The following FARP1 variants were observed in gnomAD, a reference collection of about 807,000 sequenced individuals.
The protein encoded by FARP1 is FERM, ARH/RhoGEF and pleckstrin domain protein 1.
Under a neutral mutation model 128.8 loss-of-function variants are expected in FARP1, and 52 were observed. The observed-to-expected ratio is 0.40, with a 90% CI of 0.32 to 0.51. FARP1 has a LOEUF of 0.51. Ranked by LOEUF, FARP1 falls within the 20% of genes least tolerant of loss-of-function variation. The pLI, the probability that FARP1 is intolerant of heterozygous loss-of-function variation, is 0.45. For missense variants in FARP1, 1,333 were observed against 1,367.9 expected (o/e 0.97, Z 0.40); for synonymous variants, 580 against 551.8 (o/e 1.05, Z -0.72).
At chr13:98,224,796 C>A (rs1881663643) in intron 2 of FARP1, among the ~76,000 whole-genome samples, 1 of 152,102 alleles carries the variant, frequency 6.6e-6, no homozygotes, top group African/African-American at 2.4e-5. Context: ...ATGACTTCTG[C>A]CTCACAGAGA....
At chr13:98,347,661 G>A (rs577005895) in intron 3 of FARP1, among the ~76,000 whole-genome samples, 4 of 152,246 alleles carry the variant, frequency 2.6e-5, no homozygotes, top group Admixed American at 1.3e-4. Context: ...TTACATTGCC[G>A]TCACCTCTTG....
chr13:98,390,392 C>G (rs1318987296), intron 10 of FARP1, among the ~76,000 whole-genome samples: 1 of 152,214 alleles, frequency 6.6e-6, no homozygotes, highest in Non-Finnish European at 1.5e-5. Context: ...GTCTTACTAA[C>G]ATTTGGTGTT....
At chr13:98,345,373 T>TA (rs2139883254) in intron 3 of FARP1, 1 of 100,598 alleles carries the variant, frequency 9.9e-6, no homozygotes, top group South Asian at 3.1e-4. Context: ...ACCAGTTAGC[T>TA]AATGGCACAG....
chr13:98,395,768 C>G, intron 13 of FARP1: 1 of 415,746 alleles, frequency 2.4e-6, no homozygotes, highest in Non-Finnish European at 4.2e-6. Flanking sequence ...GCAGACATCA[C>G]CTTTGATATG....
intron 1 of FARP1, among the ~76,000 whole-genome samples, chr13:98,192,049 G>A (rs927479412): frequency 5.3e-5 from 8 of 151,900 alleles, no homozygotes; most frequent in Non-Finnish European, 1.0e-4. Flanking sequence ...CAGACACTGT[G>A]TATTCCTACT....
At chr13:98,355,623 T>C (rs1322790992) in intron 3 of FARP1, among the ~76,000 whole-genome samples, 1 of 152,180 alleles carries the variant, frequency 6.6e-6, no homozygotes, top group East Asian at 1.9e-4. Context: ...ATGCTCAACT[T>C]TGAGAACCAC....
At chr13:98,145,855 C>G (rs939763091) in intron 1 of FARP1, among the ~76,000 whole-genome samples, 128 of 77,978 alleles carry the variant, frequency 1.6e-3, no homozygotes, top group Non-Finnish European at 3.0e-3. Flanking sequence ...GAGTGAGACT[C>G]TGTCTCAAAA....
intron 5 of FARP1, among the ~76,000 whole-genome samples, chr13:98,370,195 A>G (rs1889266909): frequency 6.6e-6 from 1 of 152,180 alleles, no homozygotes; most frequent in South Asian, 2.1e-4. Flanking sequence ...TTACTGAGAG[A>G]GCTTTCTAGA....
intron 2 of FARP1, among the ~76,000 whole-genome samples, chr13:98,271,479 G>A (rs1884388339): frequency 6.6e-6 from 1 of 152,138 alleles, no homozygotes; most frequent in South Asian, 2.1e-4. Context: ...GTGCCATGGT[G>A]GTTTGCTGCA....
intron 2 of FARP1, among the ~76,000 whole-genome samples, chr13:98,305,136 T>G (rs1418102596): frequency 6.6e-6 from 1 of 150,874 alleles, no homozygotes; most frequent in Non-Finnish European, 1.5e-5. Context: ...ATTTATTTAT[T>G]TTTTATTTTT....
chr13:98,336,566 C>T (rs1354129001), intron 2 of FARP1, among the ~76,000 whole-genome samples: 1 of 152,180 alleles, frequency 6.6e-6, no homozygotes, highest in African/African-American at 2.4e-5. Flanking sequence ...GCCACTGTGC[C>T]CGGCCTAGAA....
chr13:98,385,554 G>T (rs779565690), intron 7 of FARP1, 113 bp from the exon 8 acceptor site: 24 of 1,161,496 alleles, frequency 2.1e-5, no homozygotes, highest in Non-Finnish European at 3.1e-5. Flanking sequence ...GGTAGCCCCA[G>T]TGTTTGTGAT....
intron 16 of FARP1, among the ~76,000 whole-genome samples, chr13:98,421,491 C>T (rs1297379777): frequency 6.6e-6 from 1 of 152,172 alleles, no homozygotes; most frequent in African/African-American, 2.4e-5. Context: ...GTCCTCTGAA[C>T]TTAAGTCCTT....
intron 2 of FARP1, among the ~76,000 whole-genome samples, chr13:98,248,734 C>T (rs1211864243): frequency 6.6e-6 from 1 of 151,918 alleles, no homozygotes; most frequent in South Asian, 2.1e-4. Context: ...GAGGGTCTGC[C>T]TTCTTGTCTC....
intron 1 of FARP1, among the ~76,000 whole-genome samples, chr13:98,185,954 T>C (rs1357273642): frequency 6.6e-6 from 1 of 152,176 alleles, no homozygotes; most frequent in Admixed American, 6.5e-5. Context: ...TGCCTCGGCC[T>C]CCCAAAGTGC....
chr13:98,147,371 G>A (rs1230045526), intron 1 of FARP1, among the ~76,000 whole-genome samples: 2 of 151,884 alleles, frequency 1.3e-5, no homozygotes, highest in Non-Finnish European at 2.9e-5. Flanking sequence ...CAATTAATGT[G>A]GGAATTCATC....
Position 98,299,822 on chromosome 13 carries a change from A to G in FARP1, c.172-43940A>G, listed in dbSNP as rs144604444. ...AAAATGTGGTGCTGAAATCACTGCTATTTTAATAATCGGTACATTTAATTC... is the reference window on the plus strand; with the variant it reads ...AAAATGTGGTGCTGAAATCACTGCTGTTTTAATAATCGGTACATTTAATTC... On this transcript the variant is annotated intron_variant, in intron 2 of 26. Coordinates refer to ENST00000319562, the MANE Select transcript of FARP1 (RefSeq NM_005766.4). Among the ~76,000 whole-genome samples the G allele has an allele frequency of 8.2e-4, 125 of 152,366 alleles. No homozygotes were observed. In the East Asian group the frequency reaches 0.02, roughly 24 times the overall value.
intron 5 of FARP1, among the ~76,000 whole-genome samples, chr13:98,375,629 GT>G (rs1451247736): frequency 2.6e-5 from 4 of 151,816 alleles, no homozygotes; most frequent in African/African-American, 9.7e-5. Flanking sequence ...TGTTTTTATT[GT>G]TTTTGTTTTT....
chr13:98,377,087 G>C (rs1314085734), intron 5 of FARP1, among the ~76,000 whole-genome samples: 1 of 152,022 alleles, frequency 6.6e-6, no homozygotes, highest in Non-Finnish European at 1.5e-5. Flanking sequence ...CAGATCATGA[G>C]GTCAAGAGAT....
Sources: gnomAD v4.1 joint callset for allele counts (sites outside exome capture counted in the v4.1 genomes callset) on GRCh38, gnomAD v4.1.1 for gene constraint, MANE v1.5 for transcripts, NCBI Gene and HGNC (gene_info 2026-07-23, HGNC 2026-07-21) for gene names.